Variants in NLGN4X observed in about 807,000 individuals in gnomAD.
The protein encoded by NLGN4X is neuroligin-4, X-linked.
NLGN4X carries 3 observed loss-of-function variants against 40.3 expected under a neutral mutation model. The observed-to-expected ratio is 0.07, with a 90% confidence interval of 0.03 to 0.19. The LOEUF (loss-of-function observed/expected upper bound fraction) is 0.19, where lower values mean the gene tolerates loss of function less well. NLGN4X is among the 10% of genes least tolerant of loss of function. The pLI, the probability that NLGN4X is intolerant of heterozygous loss-of-function variation, is 1.00. For synonymous variants in NLGN4X, 270 were observed against 306.8 expected (o/e 0.88, Z 1.25); for missense variants, 382 against 708.3 (o/e 0.54, Z 5.23).
chrX:5,950,448 A>G (rs775133077), intron 3 of NLGN4X, among the ~76,000 whole-genome samples: 1 of 112,356 alleles, frequency 8.9e-6, no homozygotes, highest in Non-Finnish European at 1.9e-5. Context: ...ACTTAAAATT[A>G]CACATGTAGT....
chrX:6,221,408 T>C (rs1025121026), intron 1 of NLGN4X, among the ~76,000 whole-genome samples: 3 of 91,949 alleles, frequency 3.3e-5, no homozygotes, highest in Admixed American at 2.4e-4. Context: ...TATATATATA[T>C]ATATATATAT....
chrX:6,080,994 A>G (rs2038333379), intron 2 of NLGN4X, among the ~76,000 whole-genome samples: 1 of 110,350 alleles, frequency 9.1e-6, no homozygotes, highest in Non-Finnish European at 1.9e-5. Context: ...AATTAAAAAA[A>G]AAAAATTATA....
At chrX:6,204,689 G>A (rs1306414937) in intron 1 of NLGN4X, among the ~76,000 whole-genome samples, 2 of 111,164 alleles carry the variant, frequency 1.8e-5, no homozygotes, top group African/African-American at 6.5e-5. Context: ...GGGAATTATG[G>A]GTCCCATCTC....
intron 3 of NLGN4X, among the ~76,000 whole-genome samples, chrX:5,934,901 A>G (rs1355631387): frequency 8.9e-6 from 1 of 112,206 alleles, no homozygotes; most frequent in Admixed American, 9.5e-5. Context: ...TTTTAAGTAC[A>G]ACAAAGAAAT....
At chrX:5,932,744 C>T (rs2033593947) in intron 3 of NLGN4X, among the ~76,000 whole-genome samples, 1 of 109,815 alleles carries the variant, frequency 9.1e-6, no homozygotes, top group East Asian at 2.9e-4. Flanking sequence ...AGAAAGGCAT[C>T]CTTGGAAAAA....
chrX:6,221,445 T>A (rs974811874), intron 1 of NLGN4X, among the ~76,000 whole-genome samples: 2 of 91,956 alleles, frequency 2.2e-5, no homozygotes, highest in Non-Finnish European at 2.1e-5. Context: ...TTTTATCTAA[T>A]GTGTTGCAAT....
chrX:5,972,755 G>A (rs1431828220), intron 3 of NLGN4X, among the ~76,000 whole-genome samples: 7 of 101,626 alleles, frequency 6.9e-5, no homozygotes, highest in African/African-American at 2.4e-4. Flanking sequence ...AAGACAAGGT[G>A]GGGGGCGGGG....
chrX:6,120,903 T>G (rs1263293092), intron 2 of NLGN4X, among the ~76,000 whole-genome samples: 1 of 111,561 alleles, frequency 9.0e-6, no homozygotes, highest in East Asian at 2.8e-4. Context: ...CTCAAGAAAC[T>G]TTAGAGAGTA....
intron 3 of NLGN4X, among the ~76,000 whole-genome samples, chrX:5,978,048 G>A (rs2035228805): frequency 8.9e-6 from 1 of 112,175 alleles, no homozygotes; most frequent in African/African-American, 3.2e-5. Context: ...GGACAGGATT[G>A]GACGGAATTG....
At chrX:6,197,227 A>T (rs1382451138) in intron 1 of NLGN4X, among the ~76,000 whole-genome samples, 1 of 110,929 alleles carries the variant, frequency 9.0e-6, no homozygotes, top group Non-Finnish European at 1.9e-5. Flanking sequence ...AGACAGAACG[A>T]GATCCTGTAT....
intron 1 of NLGN4X, among the ~76,000 whole-genome samples, chrX:6,221,863 C>G (rs1359308800): frequency 9.0e-6 from 1 of 111,009 alleles, no homozygotes; most frequent in Admixed American, 9.6e-5. Flanking sequence ...TACTCCAGAG[C>G]CACATATTGG....
intron 2 of NLGN4X, among the ~76,000 whole-genome samples, chrX:6,145,137 C>T (rs1478605825): frequency 2.7e-5 from 3 of 111,469 alleles, no homozygotes; most frequent in Non-Finnish European, 3.8e-5. Flanking sequence ...TCCTTCTCCC[C>T]CTGCCAACTG....
intron 3 of NLGN4X, among the ~76,000 whole-genome samples, chrX:5,930,156 CCAT>C (rs2146860829): frequency 8.9e-6 from 1 of 111,819 alleles, no homozygotes; most frequent in South Asian, 3.7e-4. Context: ...GTGGTATGCC[CCAT>C]CAAGAATGCT....
chrX:6,170,571 C>T (rs1352699305), intron 1 of NLGN4X, among the ~76,000 whole-genome samples: 1 of 111,793 alleles, frequency 8.9e-6, no homozygotes, highest in Non-Finnish European at 1.9e-5. Context: ...GAAAGGCATG[C>T]ATGAAGTTTT....
intron 3 of NLGN4X, among the ~76,000 whole-genome samples, chrX:5,955,621 T>C (rs1182141415): frequency 4.5e-5 from 5 of 110,261 alleles, no homozygotes; most frequent in African/African-American, 1.6e-4. Flanking sequence ...TAATACAAAG[T>C]GGCAAAATAA....
chrX:6,121,873 G>A (rs1347008553), intron 2 of NLGN4X, among the ~76,000 whole-genome samples: 1 of 112,622 alleles, frequency 8.9e-6, no homozygotes, highest in Non-Finnish European at 1.9e-5. Flanking sequence ...CTCACTGTCT[G>A]GGCGGATCAA....
chrX:6,029,434 TGG>T lies in NLGN4X; in HGVS notation c.473-4_473-3del, dbSNP rs1323547478. On this transcript the variant is annotated splice_region_variant and splice_polypyrimidine_tract_variant and intron_variant, in intron 2 of 5. Transcript: ENST00000381095. Reference sequence around the variant, plus strand: ...TCTTACTGTTCTGATCATGAATATCTGGAAAAAAAAGCCAAGTAAGGAAACAC... The same window carrying T: ...TCTTACTGTTCTGATCATGAATATCTAAAAAAAAGCCAAGTAAGGAAACAC... 8 of 1,207,533 alleles carry T rather than the reference TGG, an allele frequency of 6.6e-6. No homozygotes were observed. The highest frequency in any genetic ancestry group is 9.0e-6 in the Non-Finnish European group (8 of 893,710).
rs764766219 is a variant in NLGN4X at position 5,969,452 on chromosome X, T to C, written c.625+59828A>G. Among the ~76,000 whole-genome samples the C allele has an allele frequency of 1.3e-4, 14 of 110,985 alleles. No individual in the cohort carries two copies. In the East Asian group the frequency reaches 3.7e-3, roughly 29 times the overall value. On this transcript the variant is annotated intron_variant, in intron 3 of 5. Coordinates refer to ENST00000381095, the MANE Select transcript of NLGN4X (RefSeq NM_181332.3). ...TCATCATCACTGGCCACCAGAGAAA[T>C]GCAAATCAAAACCACAATGAGATAC...
At chrX:5,932,454 GA>G (rs752701450) in intron 3 of NLGN4X, among the ~76,000 whole-genome samples, 7 of 108,822 alleles carry the variant, frequency 6.4e-5, no homozygotes, top group Admixed American at 4.9e-4. Flanking sequence ...TCTCTCAACA[GA>G]AAAAAAAATT....
Sources: allele counts gnomAD v4.1 joint callset (sites outside exome capture counted in the v4.1 genomes callset), GRCh38; gene constraint gnomAD v4.1.1; transcripts MANE v1.5; gene names NCBI Gene and HGNC (gene_info 2026-07-23, HGNC 2026-07-21).